The following CHIC1 variants were observed in gnomAD, a reference collection of about 807,000 sequenced individuals.
The protein encoded by CHIC1 is cysteine rich hydrophobic domain 1.
CHIC1 carries 7 observed loss-of-function variants against 18.5 expected under a neutral mutation model. That is an observed-to-expected ratio of 0.38 (90% CI 0.22 to 0.71). The LOEUF (loss-of-function observed/expected upper bound fraction) is 0.71, where lower values mean the gene tolerates loss of function less well. CHIC1 is among the 30% of genes least tolerant of loss of function. The pLI, the probability that CHIC1 is intolerant of heterozygous loss-of-function variation, is 0.49. For synonymous variants in CHIC1, 77 were observed against 73.5 expected (o/e 1.05, Z -0.25); for missense variants, 159 against 176.9 (o/e 0.90, Z 0.57).
chrX:73,680,907 A>G, intron 5 of CHIC1, 48 bp from the exon 6 acceptor site: 1 of 689,667 alleles, frequency 1.4e-6, no homozygotes, highest in Non-Finnish European at 2.2e-6. Context: ...TATAAGTTAT[A>G]TTAAATGAAA....
intron 3 of CHIC1, among the ~76,000 whole-genome samples, chrX:73,592,927 A>G (rs1214570925): frequency 9.1e-6 from 1 of 110,108 alleles, no homozygotes; most frequent in Non-Finnish European, 1.9e-5. Context: ...TCCTGATTCA[A>G]TCTTGAGAGC....
intron 3 of CHIC1, among the ~76,000 whole-genome samples, chrX:73,646,171 C>G (rs1256650641): frequency 1.8e-5 from 2 of 111,622 alleles, no homozygotes; most frequent in Non-Finnish European, 3.8e-5. Context: ...GTGTTCTTAG[C>G]AACTTTGTCA....
intron 3 of CHIC1, among the ~76,000 whole-genome samples, chrX:73,656,661 T>C (rs965636669): frequency 1.8e-5 from 2 of 112,103 alleles, no homozygotes; most frequent in Non-Finnish European, 3.8e-5. Flanking sequence ...ATGGTCTGTG[T>C]GTCTGTTCTT....
chrX:73,578,252 T>A (rs1210217058), intron 2 of CHIC1, among the ~76,000 whole-genome samples: 4 of 110,753 alleles, frequency 3.6e-5, no homozygotes, highest in Non-Finnish European at 7.7e-5. Context: ...ATTTGGAAGA[T>A]CATCTTATGA....
At chrX:73,667,332 GCATTTAGC>G (rs1215656089) in intron 3 of CHIC1, among the ~76,000 whole-genome samples, 1 of 111,401 alleles carries the variant, frequency 9.0e-6, no homozygotes, top group Non-Finnish European at 1.9e-5. Context: ...TTTAATTGGG[GCATTTAGC>G]CATTTACATT....
intron 2 of CHIC1, among the ~76,000 whole-genome samples, chrX:73,581,829 A>G (rs779782276): frequency 1.8e-5 from 2 of 111,306 alleles, no homozygotes; most frequent in Non-Finnish European, 3.8e-5. Context: ...AAGGAAAATG[A>G]CCACATTTTT....
intron 1 of CHIC1, among the ~76,000 whole-genome samples, chrX:73,567,663 T>C (rs1229033632): frequency 9.0e-6 from 1 of 111,191 alleles, no homozygotes; most frequent in Non-Finnish European, 1.9e-5. Context: ...CTTAAGATTA[T>C]CTTGTGGTTT....
intron 3 of CHIC1, among the ~76,000 whole-genome samples, chrX:73,603,743 C>A (rs1160002313): frequency 2.8e-5 from 3 of 108,733 alleles, no homozygotes; most frequent in African/African-American, 1.1e-4. Flanking sequence ...GCCTTTTCTG[C>A]ATCTATTGAG....
chrX:73,636,443 C>T (rs1433680646), intron 3 of CHIC1, among the ~76,000 whole-genome samples: 3 of 110,817 alleles, frequency 2.7e-5, no homozygotes, highest in African/African-American at 9.9e-5. Context: ...CACTGCTGCA[C>T]CCAACTGAGA....
chrX:73,626,250 G>C (rs914565453), intron 3 of CHIC1, among the ~76,000 whole-genome samples: 1 of 111,826 alleles, frequency 8.9e-6, no homozygotes, highest in African/African-American at 3.3e-5. Flanking sequence ...ACCTTTGGGA[G>C]TATGATTATT....
At chrX:73,641,323 G>A (rs903555928) in intron 3 of CHIC1, among the ~76,000 whole-genome samples, 1 of 110,497 alleles carries the variant, frequency 9.1e-6, no homozygotes. Flanking sequence ...GTTTTGGAGT[G>A]AAGAGTTCTG....
rs1315755699 is a variant in CHIC1, at chrX:73,682,218, A to G, written c.*1213A>G. The stretch of plus-strand genomic sequence containing the variant: ...CATTAATGAGGAAAGACAAGTGTTT[A>G]GACAAAAGTATTTTAGTTTATAAAT... On this transcript the variant is annotated 3_prime_UTR_variant, in exon 6 of 6. Coordinates refer to ENST00000373502, the MANE Select transcript of CHIC1 (RefSeq NM_001039840.4). 8.9e-6 allele frequency: 1 copy of G among 111,982 alleles called. No individual in the cohort carries two copies. The highest frequency in any genetic ancestry group is 1.9e-5 in the Non-Finnish European group (1 of 52,908). The allele number at this position is 111,982 out of a possible 1,213,427, so 9.2% of individuals were successfully genotyped here. A position where few individuals can be genotyped will look rare whatever the true frequency, so the allele number is the denominator to read the frequency against.
chrX:73,587,200 A>T (rs2057557175), intron 3 of CHIC1, among the ~76,000 whole-genome samples: 1 of 112,124 alleles, frequency 8.9e-6, no homozygotes, highest in South Asian at 3.6e-4. Flanking sequence ...CAGCAAAAGA[A>T]TTTTTATGTA....
rs189980464 is a variant in CHIC1, at chrX:73,618,771, T to C, written c.507+34199T>C. 6.1e-4 allele frequency among the ~76,000 whole-genome samples: 69 copies of C among 112,558 alleles called. No homozygotes were observed. The East Asian group carries it at 0.014, about 23-fold the overall frequency. ...CGCCTGCTGTGGCTTCTGTGCTATA[T>C]CTGCACTCTGGATTCACCTCCTCCC... On this transcript the variant is annotated intron_variant, in intron 3 of 5. Transcript: ENST00000373502.
chrX:73,566,971 A>T (rs771171836), intron 1 of CHIC1, among the ~76,000 whole-genome samples: 2 of 111,929 alleles, frequency 1.8e-5, no homozygotes, highest in Non-Finnish European at 3.8e-5. Context: ...TTCAAATTCT[A>T]ATTTAAGAAA....
At chrX:73,564,775 A>G (rs1405911501) in intron 1 of CHIC1, among the ~76,000 whole-genome samples, 3 of 93,474 alleles carry the variant, frequency 3.2e-5, no homozygotes, top group Non-Finnish European at 6.3e-5. Flanking sequence ...ATTAGCTTCA[A>G]TTTTTAACAT....
At chrX:73,634,034 T>C (rs939047129) in intron 3 of CHIC1, among the ~76,000 whole-genome samples, 2 of 112,406 alleles carry the variant, frequency 1.8e-5, no homozygotes, top group Non-Finnish European at 3.8e-5. Context: ...GTGGATTCTC[T>C]ATTTATTCAG....
intron 2 of CHIC1, among the ~76,000 whole-genome samples, chrX:73,583,394 A>ATTTGGAATAGTAGTAGTAAAGC (rs1365589195): frequency 9.0e-6 from 1 of 111,209 alleles, no homozygotes; most frequent in African/African-American, 3.3e-5. Flanking sequence ...TACAATTTTT[A>ATTTGGAATAGTAGTAGTAAAGC]TTTGGAATAG....
At chrX:73,585,086 T>A (rs1226642279) in intron 3 of CHIC1, among the ~76,000 whole-genome samples, 2 of 111,852 alleles carry the variant, frequency 1.8e-5, no homozygotes, top group Non-Finnish European at 3.8e-5. Context: ...TTTTGTAAAT[T>A]TTTTCCTCTG....
Sources: allele counts gnomAD v4.1 joint callset (sites outside exome capture counted in the v4.1 genomes callset), GRCh38; gene constraint gnomAD v4.1.1; transcripts MANE v1.5; gene names NCBI Gene and HGNC (gene_info 2026-07-23, HGNC 2026-07-21).